PDE5A: variants seen among roughly 807,000 people sequenced by gnomAD.
The protein encoded by PDE5A is phosphodiesterase 5A, also known as cGMP-specific 3',5'-cyclic phosphodiesterase.
A neutral mutation model predicts 110.2 loss-of-function variants in PDE5A; 67 were observed. The observed-to-expected ratio is 0.61, with a 90% confidence interval of 0.50 to 0.75. The LOEUF (loss-of-function observed/expected upper bound fraction) is 0.75. Ranked by LOEUF, PDE5A falls within the 30% of genes least tolerant of loss-of-function variation. The pLI, the probability that PDE5A is intolerant of heterozygous loss-of-function variation, is 0.00. For missense variants in PDE5A, 862 were observed against 1,045.1 expected (o/e 0.82, Z 2.42); for synonymous variants, 328 against 351.2 (o/e 0.93, Z 0.74).
intron 10 of PDE5A, among the ~76,000 whole-genome samples, chr4:119,541,503 A>G (rs1417081788): frequency 6.6e-6 from 1 of 152,058 alleles, no homozygotes; most frequent in Admixed American, 6.6e-5. Context: ...AGTCTTTTAT[A>G]TAATACTGTA....
chr4:119,507,696 C>T lies in PDE5A; in HGVS notation c.2097G>A (p.Gln699=), dbSNP rs1028956232. 6.3e-7 allele frequency: 1 copy of T among 1,576,704 alleles called. No individual in the cohort carries two copies. Among genetic ancestry groups the T allele is most frequent in the Non-Finnish European group, 8.6e-7 (1 of 1,166,292 alleles). The stretch of plus-strand genomic sequence containing the variant: ...CTTCAATGGAGAGGCCACTGAGAAT[C>T]TGATTGCCCTTTATAAAAAAAGAAA... The part of the protein sequence containing the change: ...CLMILNSPGN[Q]ILSGLSIEEY... Residue 699 remains glutamine, a synonymous_variant, in exon 16 of 21, where the codon CAG becomes CAA. Coordinates refer to ENST00000354960, the MANE Select transcript of PDE5A (RefSeq NM_001083.4).
chr4:119,519,387 A>G lies in PDE5A; in HGVS notation c.1906-248T>C, dbSNP rs78408044. ...GCTGAAATGCCTCAATAAATTAATA[A>G]TCTGTCCACCTATAGTAAGTATTGC... On this transcript the variant is annotated intron_variant, in intron 13 of 20. Transcript: ENST00000354960. 2.9e-3 allele frequency: 1,269 copies of G among 433,144 alleles called. 17 individuals are homozygous for G. Among genetic ancestry groups the G allele is most frequent in the African/African-American group, 0.023 (1,134 of 50,096 alleles). 26.8% of individuals were successfully genotyped at this position (433,144 alleles called of 1,614,324 possible). A position where few individuals can be genotyped will look rare whatever the true frequency, so the allele number is the denominator to read the frequency against.
rs370392147 is a variant in PDE5A, at chr4:119,525,511, C to T, written c.1779+38G>A. The T allele has an allele frequency of 1.9e-6, 3 of 1,593,958 alleles. No individual in the cohort carries two copies. Among genetic ancestry groups the T allele is most frequent in the Admixed American group, 3.4e-5 (2 of 59,196 alleles). ...TCTCTCTTACATACACACACACATA[C>T]ACATAGACTTTTCCAAAGGATGTTG... On this transcript the variant is annotated intron_variant, in intron 12 of 20. Transcript: ENST00000354960. The surrounding 1 kb of genome is among the most constrained non-coding windows in gnomAD (Gnocchi z 4.3).
intron 1 of PDE5A, among the ~76,000 whole-genome samples, chr4:119,612,640 C>G (rs901573496): frequency 6.6e-6 from 1 of 152,038 alleles, no homozygotes; most frequent in African/African-American, 2.4e-5. Flanking sequence ...ATTAGAGGGC[C>G]CTTATAAGGG....
chr4:119,558,172 CT>C (rs1727611350), intron 7 of PDE5A, among the ~76,000 whole-genome samples: 2 of 152,256 alleles, frequency 1.3e-5, no homozygotes, highest in South Asian at 4.1e-4. Context: ...ATGAGCCTCC[CT>C]TTGGAAATTC....
chr4:119,541,081 G>A (rs1726909871), intron 10 of PDE5A, among the ~76,000 whole-genome samples: 1 of 152,064 alleles, frequency 6.6e-6, no homozygotes, highest in Non-Finnish European at 1.5e-5. Context: ...AAGTGCAGAG[G>A]AGTGCGGTGG....
At chr4:119,581,871 C>T (rs183877032) in intron 3 of PDE5A, among the ~76,000 whole-genome samples, 1 of 152,310 alleles carries the variant, frequency 6.6e-6, no homozygotes, top group African/African-American at 2.4e-5. Flanking sequence ...AATGTACATA[C>T]CATAATTAAA....
chr4:119,621,412 A>T (rs1404400037), intron 1 of PDE5A, among the ~76,000 whole-genome samples: 1 of 152,210 alleles, frequency 6.6e-6, no homozygotes, highest in Non-Finnish European at 1.5e-5. Flanking sequence ...ATAAGAAGGC[A>T]CCTCTCTAAT....
intron 2 of PDE5A, among the ~76,000 whole-genome samples, chr4:119,599,772 G>A (rs1180580407): frequency 6.7e-6 from 1 of 150,328 alleles, no homozygotes; most frequent in Non-Finnish European, 1.5e-5. Context: ...GAGTCCCAAA[G>A]ATAATGAAGC....
intron 18 of PDE5A, among the ~76,000 whole-genome samples, chr4:119,503,783 T>C (rs1178874259): frequency 6.6e-6 from 1 of 152,134 alleles, no homozygotes; most frequent in East Asian, 1.9e-4. Context: ...CTAATGTAGA[T>C]GCTCTCTTTC....
intron 10 of PDE5A, among the ~76,000 whole-genome samples, chr4:119,541,230 T>A (rs1726916603): frequency 6.6e-6 from 1 of 151,708 alleles, no homozygotes; most frequent in African/African-American, 2.4e-5. Flanking sequence ...AGAAATAACT[T>A]CTAATTGATA....
At chr4:119,514,470 C>G (rs1725843727) in intron 14 of PDE5A, among the ~76,000 whole-genome samples, 1 of 133,310 alleles carries the variant, frequency 7.5e-6, no homozygotes, top group Non-Finnish European at 1.6e-5. Flanking sequence ...GCTTTCTTCT[C>G]CCAATCAACC....
At position 119,533,670 on chromosome 4, in the gene PDE5A, A is replaced by G. The variant is rs115663936; in HGVS notation, c.1632+5290T>C. 8.8e-3 allele frequency among the ~76,000 whole-genome samples: 1,340 copies of G among 152,258 alleles called. 10 individuals are homozygous for G. Among genetic ancestry groups the G allele is most frequent in the South Asian group, 0.018 (89 of 4,828 alleles). On this transcript the variant is annotated intron_variant, in intron 11 of 20. Coordinates refer to ENST00000354960, the MANE Select transcript of PDE5A (RefSeq NM_001083.4). ...ATTTTTCCTTTTTTTCTAACATTATATAAGTGAATCCCTTTAAATCTCAAT... is the reference window on the plus strand; with the variant it reads ...ATTTTTCCTTTTTTTCTAACATTATGTAAGTGAATCCCTTTAAATCTCAAT...
At chr4:119,599,125 C>G (rs1729251837) in intron 2 of PDE5A, among the ~76,000 whole-genome samples, 1 of 152,038 alleles carries the variant, frequency 6.6e-6, no homozygotes, top group South Asian at 2.1e-4. Flanking sequence ...AGACTAAATT[C>G]AAAAGATCCA....
intron 14 of PDE5A, among the ~76,000 whole-genome samples, chr4:119,511,408 G>T (rs1464966674): frequency 6.6e-6 from 1 of 151,950 alleles, no homozygotes; most frequent in Non-Finnish European, 1.5e-5. Context: ...GAAGTAAGGA[G>T]TAAAGACAAA....
At chr4:119,523,928 T>C (rs1176506328) in intron 12 of PDE5A, among the ~76,000 whole-genome samples, 1 of 152,038 alleles carries the variant, frequency 6.6e-6, no homozygotes, top group African/African-American at 2.4e-5. Context: ...CACATAGAAC[T>C]TCTGGCTCCA....
In PDE5A at chr4:119,535,128, T is replaced by C. The variant is rs114198411; in HGVS notation, c.1632+3832A>G. On this transcript the variant is annotated intron_variant, in intron 11 of 20. Coordinates refer to ENST00000354960, the MANE Select transcript of PDE5A (RefSeq NM_001083.4). ...GAGAAAATGCACTCTGACCCAGATATCCAATGAAAGAGCAGGCTAGGGGAC... is the reference window on the plus strand; with the variant it reads ...GAGAAAATGCACTCTGACCCAGATACCCAATGAAAGAGCAGGCTAGGGGAC... Among the ~76,000 whole-genome samples, 462 of 152,180 alleles carry C rather than the reference T, an allele frequency of 3.0e-3. 1 individual carries two copies. The highest frequency in any genetic ancestry group is 0.011 in the African/African-American group (450 of 41,528).
chr4:119,613,767 A>C (rs28566610), intron 1 of PDE5A, among the ~76,000 whole-genome samples: 122,192 of 151,274 alleles, frequency 0.81, 49,520 homozygotes, highest in East Asian at 0.9. Context: ...TGAAAAAAAA[A>C]CCATAATTTT....
chr4:119,537,334 C>T (rs1270978739), intron 11 of PDE5A, among the ~76,000 whole-genome samples: 2 of 152,052 alleles, frequency 1.3e-5, no homozygotes, highest in Non-Finnish European at 2.9e-5. Flanking sequence ...TTACCTTTTG[C>T]AGTTTCACTT....
Sources: allele counts gnomAD v4.1 joint callset (sites outside exome capture counted in the v4.1 genomes callset), GRCh38; gene constraint gnomAD v4.1.1; non-coding constraint Gnocchi (gnomAD v3.1); transcripts MANE v1.5; gene names NCBI Gene and HGNC (gene_info 2026-07-23, HGNC 2026-07-21).